The following MAGI1 variants were observed in gnomAD, a reference collection of about 807,000 sequenced individuals.
MAGI1 encodes the protein membrane associated guanylate kinase, WW and PDZ domain containing 1.
In MAGI1, 58 loss-of-function variants were observed where a neutral mutation model predicts 139.9. The ratio of observed to expected loss-of-function variants is 0.41; its 90% CI spans 0.34 to 0.52. The LOEUF is 0.52. MAGI1 is among the 20% of genes least tolerant of loss of function. The pLI is 0.12. For synonymous variants in MAGI1, 812 were observed against 737.9 expected (o/e 1.10, Z -1.63); for missense variants, 1,874 against 1,901.6 (o/e 0.99, Z 0.27).
chr3:65,648,668 C>T (rs574505172), intron 1 of MAGI1, among the ~76,000 whole-genome samples: 1 of 152,202 alleles, frequency 6.6e-6, no homozygotes, highest in Admixed American at 6.5e-5. Flanking sequence ...TAACGTAATT[C>T]CTATCAAAAT....
At chr3:65,694,451 AT>A (rs2088965468) in intron 1 of MAGI1, among the ~76,000 whole-genome samples, 1 of 151,458 alleles carries the variant, frequency 6.6e-6, no homozygotes. Flanking sequence ...TAAAAAAAAT[AT>A]GAAGTGTTCT....
chr3:65,444,645 G>A (rs1948560674), intron 7 of MAGI1, among the ~76,000 whole-genome samples: 1 of 152,148 alleles, frequency 6.6e-6, no homozygotes, highest in African/African-American at 2.4e-5. Context: ...ACAAACGCAA[G>A]TGCATCATCT....
intron 1 of MAGI1, among the ~76,000 whole-genome samples, chr3:65,993,820 C>T (rs563258688): frequency 5.3e-5 from 8 of 152,050 alleles, no homozygotes; most frequent in Non-Finnish European, 1.0e-4. Flanking sequence ...ATTAGCTAAC[C>T]CTGGAAATGG....
chr3:65,848,970 T>C (rs530998102), intron 1 of MAGI1, among the ~76,000 whole-genome samples: 5 of 141,904 alleles, frequency 3.5e-5, no homozygotes, highest in African/African-American at 1.3e-4. Context: ...TCCAAACACT[T>C]AACTGGCAGC....
chr3:65,354,864 G>C lies in MAGI1; in HGVS notation c.*1514C>G, dbSNP rs967384703. ...AATTACAATTTTTAGCTCTGTACAC[G>C]CAATGATTGGCTGGTTTTCTTTTTT... On this transcript the variant is annotated 3_prime_UTR_variant, in exon 23 of 23. Coordinates refer to ENST00000402939, the MANE Select transcript of MAGI1 (RefSeq NM_001033057.2). 6.7e-6 allele frequency: 1 copy of C among 150,138 alleles called. No homozygotes were observed. The highest frequency in any genetic ancestry group is 1.5e-5 in the Non-Finnish European group (1 of 67,628). 9.3% of individuals were successfully genotyped at this position (150,138 alleles called of 1,614,324 possible).
intron 1 of MAGI1, among the ~76,000 whole-genome samples, chr3:65,774,992 T>C (rs563346177): frequency 4.7e-4 from 71 of 152,316 alleles, no homozygotes; most frequent in African/African-American, 1.6e-3. Flanking sequence ...ATGAATTTCA[T>C]AGTACCCAGC....
chr3:65,658,235 G>C (rs2085994236), intron 1 of MAGI1, among the ~76,000 whole-genome samples: 1 of 150,916 alleles, frequency 6.6e-6, no homozygotes, highest in South Asian at 2.1e-4. Flanking sequence ...CCTTCCTTTT[G>C]GGTTCTAGAG....
intron 1 of MAGI1, among the ~76,000 whole-genome samples, chr3:65,734,918 A>T (rs1009012412): frequency 8.7e-6 from 1 of 115,044 alleles, no homozygotes; most frequent in African/African-American, 3.3e-5. Context: ...AGCGGAGGGG[A>T]GGGGAGGGGG....
chr3:65,899,064 G>A (rs2061105768), intron 1 of MAGI1, among the ~76,000 whole-genome samples: 1 of 152,036 alleles, frequency 6.6e-6, no homozygotes, highest in Non-Finnish European at 1.5e-5. Context: ...TGGGACTACA[G>A]GCACACACCA....
chr3:65,396,809 G>A (rs1296215666), intron 13 of MAGI1, among the ~76,000 whole-genome samples: 1 of 152,292 alleles, frequency 6.6e-6, no homozygotes, highest in South Asian at 2.1e-4. Flanking sequence ...TCAGAGACTC[G>A]AATCCAAGCC....
intron 1 of MAGI1, among the ~76,000 whole-genome samples, chr3:65,721,610 CAT>C (rs2033032507): frequency 6.6e-6 from 1 of 152,168 alleles, no homozygotes; most frequent in African/African-American, 2.4e-5. Flanking sequence ...CTTTAAGAAT[CAT>C]AATCCCTTGA....
chr3:65,811,417 C>A (rs2041225999), intron 1 of MAGI1, among the ~76,000 whole-genome samples: 2 of 152,168 alleles, frequency 1.3e-5, no homozygotes, highest in African/African-American at 2.4e-5. Context: ...TGGGAAGCTT[C>A]CTGCCAGATC....
chr3:66,032,016 A>G (rs909268545), intron 1 of MAGI1, among the ~76,000 whole-genome samples: 13 of 152,216 alleles, frequency 8.5e-5, no homozygotes, highest in Non-Finnish European at 1.5e-4. Flanking sequence ...CCCAGTATAA[A>G]TTATTAGACA....
At chr3:65,889,919 A>C (rs531818321) in intron 1 of MAGI1, among the ~76,000 whole-genome samples, 1 of 152,340 alleles carries the variant, frequency 6.6e-6, no homozygotes, top group East Asian at 1.9e-4. Flanking sequence ...ACATGTATGA[A>C]GATGGTCACT....
At chr3:65,392,972 C>T (rs1022374999) in intron 13 of MAGI1, among the ~76,000 whole-genome samples, 1 of 152,190 alleles carries the variant, frequency 6.6e-6, no homozygotes, top group Admixed American at 6.5e-5. Flanking sequence ...TAATTCACTT[C>T]AATTCAAGGG....
intron 2 of MAGI1, among the ~76,000 whole-genome samples, chr3:65,610,615 A>C (rs1169723558): frequency 6.6e-6 from 1 of 151,460 alleles, no homozygotes. Context: ...CCTCAAGTCA[A>C]TTGATGAAAT....
At chr3:65,771,290 G>C (rs896226240) in intron 1 of MAGI1, among the ~76,000 whole-genome samples, 1 of 149,220 alleles carries the variant, frequency 6.7e-6, no homozygotes, top group Non-Finnish European at 1.5e-5. Flanking sequence ...CTGGGTGACA[G>C]ACAGTGAATC....
At chr3:65,776,448 T>G (rs1577077562) in intron 1 of MAGI1, among the ~76,000 whole-genome samples, 2 of 152,174 alleles carry the variant, frequency 1.3e-5, no homozygotes. Context: ...TAACCCTTAT[T>G]TAAACACATA....
intron 1 of MAGI1, among the ~76,000 whole-genome samples, chr3:65,652,229 A>G (rs2085625918): frequency 6.6e-6 from 1 of 152,190 alleles, no homozygotes; most frequent in Non-Finnish European, 1.5e-5. Context: ...TTTTGTTTTC[A>G]CTTCTAGATA....
Sources: gnomAD v4.1 joint callset for allele counts (sites outside exome capture counted in the v4.1 genomes callset) on GRCh38, gnomAD v4.1.1 for gene constraint, MANE v1.5 for transcripts, NCBI Gene and HGNC (gene_info 2026-07-23, HGNC 2026-07-21) for gene names.